Variants in PCDHGB2 observed in about 807,000 individuals in gnomAD.
PCDHGB2 encodes the protein protocadherin gamma subfamily B, 2, also known as protocadherin gamma-B2.
Under a neutral mutation model 59.3 loss-of-function variants are expected in PCDHGB2, and 55 were observed. That is an observed-to-expected ratio of 0.93 (90% CI 0.75 to 1.16). PCDHGB2 has a LOEUF of 1.16. PCDHGB2 is among the 50% of genes most tolerant of loss of function. The probability of loss-of-function intolerance (pLI) is 0.00; values close to 1 mark genes in which losing one functional copy is unlikely to be tolerated. For synonymous variants in PCDHGB2, 516 were observed against 512.0 expected (o/e 1.01, Z -0.11); for missense variants, 1,228 against 1,198.5 (o/e 1.02, Z -0.36).
chr5:141,366,890 T>G, intron 1 of PCDHGB2: 1 of 1,249,604 alleles, frequency 8.0e-7, no homozygotes, highest in Non-Finnish European at 1.1e-6. Flanking sequence ...TTTTTTTATA[T>G]AATTCATGCT....
At chr5:141,499,553 A>T (rs1215178587) in intron 2 of PCDHGB2, among the ~76,000 whole-genome samples, 3 of 152,206 alleles carry the variant, frequency 2.0e-5, no homozygotes, top group African/African-American at 4.8e-5. Context: ...CCTGTATGAT[A>T]CCACTATCCA....
intron 1 of PCDHGB2, chr5:141,441,387 G>A (rs2098243952): frequency 6.5e-6 from 1 of 153,712 alleles, no homozygotes; most frequent in Non-Finnish European, 1.5e-5. Flanking sequence ...CAGACCCAAG[G>A]TATAACATCA....
chr5:141,467,057 T>TG, intron 1 of PCDHGB2, among the ~76,000 whole-genome samples: 1 of 144,752 alleles, frequency 6.9e-6, no homozygotes, highest in Non-Finnish European at 1.5e-5. Context: ...AATGTTTTCT[T>TG]TTTTTTTTTT....
Position 141,489,252 on chromosome 5 carries a change from G to A in PCDHGB2, c.2422-5555G>A. 2 of 1,547,622 alleles carry A rather than the reference G, an allele frequency of 1.3e-6. No individual in the cohort carries two copies. Among genetic ancestry groups the A allele is most frequent in the Non-Finnish European group, 1.7e-6 (2 of 1,147,198 alleles). On this transcript the variant is annotated intron_variant, in intron 1 of 3. Coordinates refer to ENST00000522605, the MANE Select transcript of PCDHGB2 (RefSeq NM_018923.3). The surrounding 1 kb of genome is among the most constrained non-coding windows in gnomAD (Gnocchi z 4.5). ...GGGACTTCTGGGTCATGGGGCCCAAGACACTCCCACAGCTCGCTGGGAAAT... is the reference window on the plus strand; with the variant it reads ...GGGACTTCTGGGTCATGGGGCCCAAAACACTCCCACAGCTCGCTGGGAAAT...
Position 141,491,095 on chromosome 5 carries a change from T to C in PCDHGB2, c.2422-3712T>C, listed in dbSNP as rs1366401829. On this transcript the variant is annotated intron_variant, in intron 1 of 3. Coordinates refer to ENST00000522605, the MANE Select transcript of PCDHGB2 (RefSeq NM_018923.3). The surrounding 1 kb of genome is among the most constrained non-coding windows in gnomAD (Gnocchi z 6.9). ...GCCACAGTCCACAGCCCCAGGACTG[T>C]TCCTCGTGTCTACACACACTGGTGA... The C allele has an allele frequency of 3.7e-6, 6 of 1,614,154 alleles. No homozygotes were observed. The highest frequency in any genetic ancestry group is 4.2e-6 in the Non-Finnish European group (5 of 1,180,014).
rs1348297963 is a variant in PCDHGB2, at chr5:141,487,103, G to A, written c.2422-7704G>A. 6.2e-7 allele frequency: 1 copy of A among 1,614,124 alleles called. No individual in the cohort carries two copies. Among genetic ancestry groups the A allele is most frequent in the Non-Finnish European group, 8.5e-7 (1 of 1,180,000 alleles). On this transcript the variant is annotated intron_variant, in intron 1 of 3. Coordinates refer to ENST00000522605, the MANE Select transcript of PCDHGB2 (RefSeq NM_018923.3). The surrounding 1 kb of genome is among the most constrained non-coding windows in gnomAD (Gnocchi z 5.0). ...AGCTGACCTCCCACCACAGAAGCTG[G>A]TCATTGTGGTAAAGGATAGTGGTAG...
intron 1 of PCDHGB2, chr5:141,375,428 C>A (rs749307933): frequency 2.5e-6 from 4 of 1,613,984 alleles, no homozygotes; most frequent in East Asian, 2.2e-5. Flanking sequence ...CAACGACAAC[C>A]CGCCCACCTT....
intron 1 of PCDHGB2, chr5:141,399,759 G>A: frequency 1.2e-6 from 2 of 1,613,348 alleles, no homozygotes; most frequent in Non-Finnish European, 1.7e-6. Flanking sequence ...ACGTGAGCCT[G>A]CGCGTGTTGG....
intron 1 of PCDHGB2, among the ~76,000 whole-genome samples, chr5:141,475,504 T>C (rs1202550150): frequency 1.3e-5 from 2 of 152,254 alleles, no homozygotes; most frequent in Non-Finnish European, 2.9e-5. Flanking sequence ...AAATTATTAA[T>C]GTCTCCACGG....
In PCDHGB2 at chr5:141,487,562, G is replaced by A. The variant is rs140619162; in HGVS notation, c.2422-7245G>A. The A allele has an allele frequency of 7.7e-5, 125 of 1,614,060 alleles. 1 individual carries two copies. The highest frequency in any genetic ancestry group is 5.7e-4 in the Admixed American group (34 of 60,006). On this transcript the variant is annotated intron_variant, in intron 1 of 3. Transcript: ENST00000522605. The surrounding 1 kb of genome is among the most constrained non-coding windows in gnomAD (Gnocchi z 5.0). ...GAAGTCACCCAGTGCACCTATGGCA[G>A]GGGAGCCTGTTCGCCCAAGCTGCCC...
intron 1 of PCDHGB2, chr5:141,414,350 C>T (rs1450829111): frequency 1.9e-6 from 3 of 1,613,726 alleles, no homozygotes; most frequent in Admixed American, 1.7e-5. Flanking sequence ...TCCATTTTGG[C>T]GTATCTACCA....
chr5:141,491,503 G>C lies in PCDHGB2; in HGVS notation c.2422-3304G>C. On this transcript the variant is annotated intron_variant, in intron 1 of 3. Coordinates refer to ENST00000522605, the MANE Select transcript of PCDHGB2 (RefSeq NM_018923.3). The surrounding 1 kb of genome is among the most constrained non-coding windows in gnomAD (Gnocchi z 6.9). ...CCCCAACCTGCAGGTGAGCTCGGACGGCACGCTCAAGTACATGGAGGTGAC... is the reference window on the plus strand; with the variant it reads ...CCCCAACCTGCAGGTGAGCTCGGACCGCACGCTCAAGTACATGGAGGTGAC... The C allele has an allele frequency of 6.2e-7, 1 of 1,614,030 alleles. No homozygotes were observed.
intron 1 of PCDHGB2, chr5:141,423,314 T>C: frequency 6.2e-7 from 1 of 1,614,178 alleles, no homozygotes; most frequent in Non-Finnish European, 8.5e-7. Context: ...TACTTGGTGG[T>C]GGCGGTGGCC....
At position 141,477,272 on chromosome 5, in the gene PCDHGB2, C is replaced by G. The variant is rs2099408579; in HGVS notation, c.2422-17535C>G. The G allele has an allele frequency of 1.2e-6, 2 of 1,614,090 alleles. No homozygotes were observed. The highest frequency in any genetic ancestry group is 1.7e-6 in the Non-Finnish European group (2 of 1,180,048). Reference sequence around the variant, plus strand: ...TGACCTGGATGCTGGCGAGAACGGGCTGGTGACCTGCGAAGTTCCACCGGG... The same window carrying G: ...TGACCTGGATGCTGGCGAGAACGGGGTGGTGACCTGCGAAGTTCCACCGGG... On this transcript the variant is annotated intron_variant, in intron 1 of 3. Coordinates refer to ENST00000522605, the MANE Select transcript of PCDHGB2 (RefSeq NM_018923.3). This position sits in a 1 kb window ranked among gnomAD's most constrained non-coding sequence, Gnocchi z 4.9.
rs1157645386 is a variant in PCDHGB2 at position 141,477,622 on chromosome 5, A to C, written c.2422-17185A>C. On this transcript the variant is annotated intron_variant, in intron 1 of 3. Coordinates refer to ENST00000522605, the MANE Select transcript of PCDHGB2 (RefSeq NM_018923.3). This position sits in a 1 kb window ranked among gnomAD's most constrained non-coding sequence, Gnocchi z 4.9. ...TCTTTCTCTTGGAGCAAGGAGCTGA[A>C]ACCGGGCTAGTGGGTCGCTATTTCA... 1 of 1,614,108 alleles carries C rather than the reference A, an allele frequency of 6.2e-7. No homozygotes were observed. The highest frequency in any genetic ancestry group is 2.2e-5 in the East Asian group (1 of 44,904).
rs748357509 is a variant in PCDHGB2 at position 141,384,447 on chromosome 5, G to A, written c.2421+21891G>A. The A allele has an allele frequency of 2.0e-5, 32 of 1,613,890 alleles. No homozygotes were observed. The African/African-American group carries it at 2.4e-4, about 12-fold the overall frequency. The stretch of plus-strand genomic sequence containing the variant: ...ACTCTGACACTGGAGTCCTGTACGC[G>A]CTGCAATCCTTTGATTATGAGCAGT... On this transcript the variant is annotated intron_variant, in intron 1 of 3. Coordinates refer to ENST00000522605, the MANE Select transcript of PCDHGB2 (RefSeq NM_018923.3).
At chr5:141,497,050 G>T (rs113054804) in intron 2 of PCDHGB2, among the ~76,000 whole-genome samples, 5,544 of 152,084 alleles carry the variant, frequency 0.036, 137 homozygotes, top group South Asian at 0.074. Context: ...TTAGCCAGGC[G>T]TGGTGGCAGG....
chr5:141,446,778 T>C (rs2098515519), intron 1 of PCDHGB2, among the ~76,000 whole-genome samples: 1 of 152,116 alleles, frequency 6.6e-6, no homozygotes, highest in South Asian at 2.1e-4. Flanking sequence ...GTTACCATTC[T>C]TTTACTCTGA....
chr5:141,374,296 G>A, intron 1 of PCDHGB2: 3 of 1,613,974 alleles, frequency 1.9e-6, no homozygotes, highest in Non-Finnish European at 2.5e-6. Flanking sequence ...CCAGAGGTAG[G>A]ATGCAGCTTT....
Sources: allele counts gnomAD v4.1 joint callset (sites outside exome capture counted in the v4.1 genomes callset), GRCh38; gene constraint gnomAD v4.1.1; non-coding constraint Gnocchi (gnomAD v3.1); transcripts MANE v1.5; gene names NCBI Gene and HGNC (gene_info 2026-07-23, HGNC 2026-07-21).